CDH6: variants seen among roughly 807,000 people sequenced by gnomAD.
The protein encoded by CDH6 is cadherin-6.
In CDH6, 31 loss-of-function variants were observed where a neutral mutation model predicts 78.0. The observed-to-expected ratio is 0.40, with a 90% CI of 0.30 to 0.54. CDH6 has a LOEUF of 0.54. Ranked by LOEUF, CDH6 falls within the 20% of genes least tolerant of loss-of-function variation. The pLI is 0.56. For synonymous variants in CDH6, 376 were observed against 368.8 expected (o/e 1.02, Z -0.23); for missense variants, 724 against 975.9 (o/e 0.74, Z 3.44).
At chr5:31,205,516 A>T (rs1426155354) in intron 1 of CDH6, among the ~76,000 whole-genome samples, 1 of 152,208 alleles carries the variant, frequency 6.6e-6, no homozygotes, top group African/African-American at 2.4e-5. Context: ...GATTAGCAGA[A>T]GTCTGTCATT....
intron 11 of CDH6, chr5:31,318,164 C>CT: frequency 1.7e-6 from 1 of 602,978 alleles, no homozygotes. Flanking sequence ...CAAAGAATCT[C>CT]TTGTCTATCA....
chr5:31,268,924 T>C (rs1048635121), intron 2 of CDH6, among the ~76,000 whole-genome samples: 1 of 152,124 alleles, frequency 6.6e-6, no homozygotes, highest in Non-Finnish European at 1.5e-5. Context: ...AGAGGAAGTA[T>C]TCAGTGAAGG....
chr5:31,230,314 AG>A (rs1741280799), intron 1 of CDH6, among the ~76,000 whole-genome samples: 1 of 152,216 alleles, frequency 6.6e-6, no homozygotes, highest in African/African-American at 2.4e-5. Context: ...AGAACTCACT[AG>A]GGGATCATAC....
chr5:31,297,308 C>T lies in CDH6; in HGVS notation c.543C>T (p.Val181=). ...MSDVGTFVVQ[V]TATDADDPTY... Reference sequence around the variant, plus strand: ...TTACAGGTACATTTGTTGTCCAAGTCACTGCGACGGATGCAGATGATCCAA... The same window carrying T: ...TTACAGGTACATTTGTTGTCCAAGTTACTGCGACGGATGCAGATGATCCAA... The change falls in exon 4 of 12, where the codon GTC becomes GTT. Residue 181 remains valine (V), a synonymous_variant. Coordinates refer to ENST00000265071, the MANE Select transcript of CDH6 (RefSeq NM_004932.4). 6.2e-7 allele frequency: 1 copy of T among 1,610,980 alleles called. No individual in the cohort carries two copies. Among genetic ancestry groups the T allele is most frequent in the Non-Finnish European group, 8.5e-7 (1 of 1,177,330 alleles).
intron 1 of CDH6, among the ~76,000 whole-genome samples, chr5:31,222,480 C>A (rs1741030810): frequency 6.6e-6 from 1 of 152,054 alleles, no homozygotes; most frequent in South Asian, 2.1e-4. Flanking sequence ...TTAATTAAAA[C>A]TTTCCAAAGG....
intron 1 of CDH6, among the ~76,000 whole-genome samples, chr5:31,207,457 A>C (rs951558778): frequency 6.6e-6 from 1 of 151,996 alleles, no homozygotes; most frequent in African/African-American, 2.4e-5. Flanking sequence ...ACCCCCACCT[A>C]CCTATCTGAC....
At chr5:31,308,750 C>T (rs995851629) in intron 7 of CDH6, among the ~76,000 whole-genome samples, 4 of 152,066 alleles carry the variant, frequency 2.6e-5, no homozygotes, top group African/African-American at 9.7e-5. Context: ...TAAAAATTCT[C>T]ACCTCTTACC....
intron 11 of CDH6, chr5:31,318,935 A>C (rs776633671): frequency 2.7e-5 from 6 of 222,828 alleles, no homozygotes; most frequent in Non-Finnish European, 4.5e-5. Context: ...CTATAACAGA[A>C]GCCTTGAAAC....
chr5:31,263,662 C>A (rs1425945081), intron 1 of CDH6, among the ~76,000 whole-genome samples: 1 of 151,996 alleles, frequency 6.6e-6, no homozygotes, highest in Non-Finnish European at 1.5e-5. Flanking sequence ...CAAGTTAATC[C>A]ATTCATGAGG....
At position 31,276,930 on chromosome 5, in the gene CDH6, G is replaced by A. The variant is rs573095242; in HGVS notation, c.228+9229G>A. 3.9e-5 allele frequency among the ~76,000 whole-genome samples: 6 copies of A among 152,318 alleles called. No homozygotes were observed. In the South Asian group the frequency reaches 1.0e-3, roughly 26 times the overall value. ...AGGAACTAAAGCAAGATCCACGTAA[G>A]GAGGGAAGGTGCCCTGCTGTGAAGT... is the stretch of plus-strand genomic sequence containing the variant. On this transcript the variant is annotated intron_variant, in intron 2 of 11. Coordinates refer to ENST00000265071, the MANE Select transcript of CDH6 (RefSeq NM_004932.4).
rs116245644 is a variant in CDH6 at position 31,199,560 on chromosome 5, A to G, written c.-129+5674A>G. ...TATATGTATACACACATATGTGTAT[A>G]TATATGCTCAGAGCATATATATCTA... On this transcript the variant is annotated intron_variant, in intron 1 of 11. Coordinates refer to ENST00000265071, the MANE Select transcript of CDH6 (RefSeq NM_004932.4). 9.3e-3 allele frequency among the ~76,000 whole-genome samples: 1,382 copies of G among 147,822 alleles called. 31 individuals carry two copies. Among genetic ancestry groups the G allele is most frequent in the African/African-American group, 0.032 (1,306 of 40,548 alleles).
At chr5:31,227,202 G>A (rs1741177547) in intron 1 of CDH6, among the ~76,000 whole-genome samples, 1 of 152,116 alleles carries the variant, frequency 6.6e-6, no homozygotes, top group Non-Finnish European at 1.5e-5. Context: ...AGTTGGGCGA[G>A]AGACAAGGAA....
At chr5:31,252,667 C>T (rs1741942493) in intron 1 of CDH6, among the ~76,000 whole-genome samples, 1 of 151,986 alleles carries the variant, frequency 6.6e-6, no homozygotes, top group Non-Finnish European at 1.5e-5. Flanking sequence ...TAAATAAGAG[C>T]AAGTCAATGG....
chr5:31,237,548 T>C (rs971856117), intron 1 of CDH6, among the ~76,000 whole-genome samples: 1 of 152,178 alleles, frequency 6.6e-6, no homozygotes, highest in Admixed American at 6.5e-5. Context: ...CCTCTCTCCA[T>C]ATAGAATCTC....
Position 31,323,381 on chromosome 5 carries a change from A to G in CDH6, c.*73A>G, listed in dbSNP as rs2149962567. ...GGCTATTTCTTTATATTTATCCACT[A>G]CTCCGTGAAGGCTTCTCTGTTCTAC... On this transcript the variant is annotated 3_prime_UTR_variant, in exon 12 of 12. Coordinates refer to ENST00000265071, the MANE Select transcript of CDH6 (RefSeq NM_004932.4). 6.7e-7 allele frequency: 1 copy of G among 1,494,780 alleles called. No individual in the cohort carries two copies. The highest frequency in any genetic ancestry group is 9.1e-7 in the Non-Finnish European group (1 of 1,102,944). 92.6% of individuals were successfully genotyped at this position (1,494,780 alleles called of 1,614,324 possible). A position where few individuals can be genotyped will look rare whatever the true frequency, so the allele number is the denominator to read the frequency against.
At chr5:31,301,225 A>T (rs752585275) in intron 5 of CDH6, among the ~76,000 whole-genome samples, 9 of 152,238 alleles carry the variant, frequency 5.9e-5, no homozygotes, top group Non-Finnish European at 1.2e-4. Flanking sequence ...AGGGATTACT[A>T]TTACTGAACG....
In CDH6 at chr5:31,299,395, G is replaced by T. The variant is rs957185716; in HGVS notation, c.644-69G>T. On this transcript the variant is annotated intron_variant, in intron 4 of 11. Transcript: ENST00000265071. ...TTGTGGGTGACAGTTTATGTTGTTT[G>T]CATAAATCAATGATTCCATAAAGTA... 4.0e-6 allele frequency: 5 copies of T among 1,257,878 alleles called. No homozygotes were observed. The African/African-American group carries it at 7.4e-5, about 19-fold the overall frequency. The allele number at this position is 1,257,878 out of a possible 1,614,324, so 77.9% of individuals were successfully genotyped here.
intron 1 of CDH6, among the ~76,000 whole-genome samples, chr5:31,237,046 T>G (rs1741472816): frequency 6.6e-6 from 1 of 152,184 alleles, no homozygotes; most frequent in African/African-American, 2.4e-5. Flanking sequence ...AAATAACTTT[T>G]TGGCAAGATA....
chr5:31,207,748 T>C (rs1740572392), intron 1 of CDH6, among the ~76,000 whole-genome samples: 1 of 152,204 alleles, frequency 6.6e-6, no homozygotes, highest in South Asian at 2.1e-4. Context: ...CTCTACATTT[T>C]TTGTGTTGGA....
Sources: gnomAD v4.1 joint callset for allele counts (sites outside exome capture counted in the v4.1 genomes callset) on GRCh38, gnomAD v4.1.1 for gene constraint, MANE v1.5 for transcripts, NCBI Gene and HGNC (gene_info 2026-07-23, HGNC 2026-07-21) for gene names.